CCNF: variants seen among roughly 807,000 people sequenced by gnomAD.
CCNF encodes the protein cyclin-F.
In CCNF, 30 loss-of-function variants were observed where a neutral mutation model predicts 85.4. The observed-to-expected ratio is 0.35, with a 90% CI of 0.26 to 0.48. CCNF has a LOEUF of 0.48. CCNF is among the 20% of genes least tolerant of loss of function. The pLI is 0.99. For missense variants in CCNF, 919 were observed against 1,010.4 expected (o/e 0.91, Z 1.23); for synonymous variants, 439 against 425.1 (o/e 1.03, Z -0.40).
intron 3 of CCNF, among the ~76,000 whole-genome samples, 176 bp from the exon 4 acceptor site, chr16:2,435,626 CACAT>C (rs1312394593): frequency 9.1e-5 from 1 of 10,992 alleles, no homozygotes; most frequent in Non-Finnish European, 1.4e-4. Flanking sequence ...CACACACACA[CACAT>C]ATATATGCAC....
intron 8 of CCNF, 36 bp from the exon 9 acceptor site, chr16:2,443,613 G>A (rs1305852343): frequency 6.3e-7 from 1 of 1,598,708 alleles, no homozygotes; most frequent in African/African-American, 1.3e-5. Context: ...CAACATGGCT[G>A]CTGTCTCACG....
chr16:2,446,347 A>G (rs757219651), intron 10 of CCNF, among the ~76,000 whole-genome samples: 2 of 151,788 alleles, frequency 1.3e-5, no homozygotes, highest in African/African-American at 4.8e-5. Flanking sequence ...AGTTTCCTAC[A>G]CTCTTGGAGT....
intron 3 of CCNF, among the ~76,000 whole-genome samples, chr16:2,433,666 A>C (rs1290857008): frequency 1.3e-5 from 2 of 152,146 alleles, no homozygotes; most frequent in Non-Finnish European, 2.9e-5. Context: ...AGCTCACTGC[A>C]ACCACCAACT....
At position 2,437,290 on chromosome 16, in the gene CCNF, G is replaced by A. The variant is rs1420811384; in HGVS notation, c.508G>A (p.Glu170Lys). The change falls in exon 5 of 17, where the codon GAG becomes AAG. Residue 170 changes from glutamate to lysine, a missense_variant. By Grantham distance (56) the Glu-to-Lys change is moderately conservative. Transcript: ENST00000397066. ...SGSCCKAVVHESLRAECQLQR... is the reference protein window; with the variant it reads ...SGSCCKAVVHKSLRAECQLQR... ...AAGCTGCTGCAAGGCCGTGGTTCAC[G>A]AGAGCCTCAGGGCAGAGTGCCAGCT... 7 of 1,605,182 alleles carry A rather than the reference G, an allele frequency of 4.4e-6. No homozygotes were observed. Among genetic ancestry groups the A allele is most frequent in the South Asian group, 1.1e-5 (1 of 90,650 alleles).
At chr16:2,437,470 C>G (rs376090217) in intron 5 of CCNF, 148 bp downstream of exon 5, 339 of 609,110 alleles carry the variant, frequency 5.6e-4, no homozygotes, top group African/African-American at 5.5e-3. Flanking sequence ...ATATGGGGAA[C>G]GCATCTGGAA....
rs1402175236 is a variant in CCNF at position 2,445,705 on chromosome 16, A to G, written c.1094+83A>G. ...GTCACCTGCCCTTCATGTGCTCCTCACTGGTTTGGTTTTGTTTTGTGTTGT... is the reference window on the plus strand; with the variant it reads ...GTCACCTGCCCTTCATGTGCTCCTCGCTGGTTTGGTTTTGTTTTGTGTTGT... On this transcript the variant is annotated intron_variant, in intron 10 of 16. Coordinates refer to ENST00000397066, the MANE Select transcript of CCNF (RefSeq NM_001761.3). 5.8e-5 allele frequency: 70 copies of G among 1,200,052 alleles called. No individual in the cohort carries two copies. The South Asian group carries it at 8.6e-4, about 15-fold the overall frequency. The allele number at this position is 1,200,052 out of a possible 1,614,324, so 74.3% of individuals were successfully genotyped here. A position where few individuals can be genotyped will look rare whatever the true frequency, so the allele number is the denominator to read the frequency against.
intron 3 of CCNF, 85 bp downstream of exon 3, chr16:2,433,152 C>A: frequency 2.5e-6 from 2 of 809,164 alleles, no homozygotes; most frequent in Non-Finnish European, 4.1e-6. Flanking sequence ...CCTGATTCAG[C>A]AACGATTTTC....
intron 8 of CCNF, among the ~76,000 whole-genome samples, chr16:2,441,823 A>T (rs1385072045): frequency 6.7e-6 from 1 of 148,778 alleles, no homozygotes; most frequent in African/African-American, 2.5e-5. Flanking sequence ...GGCCAAAAAA[A>T]ATTAATAATA....
Position 2,433,297 on chromosome 16 carries a change from G to A in CCNF, c.278+230G>A, listed in dbSNP as rs142841189. Among the ~76,000 whole-genome samples, 967 of 152,244 alleles carry A rather than the reference G, an allele frequency of 6.4e-3. 8 individuals carry two copies. Among genetic ancestry groups the A allele is most frequent in the Non-Finnish European group, 9.2e-3 (628 of 68,010 alleles). On this transcript the variant is annotated intron_variant, in intron 3 of 16. Transcript: ENST00000397066. ...CAGTCATCCCTCACGCCACTGACAC[G>A]GGCCCGTGGTGCCTCCAGAGGGCTG...
At position 2,453,497 on chromosome 16, in the gene CCNF, C is replaced by T. The variant is rs767962309; in HGVS notation, c.1675C>T (p.His559Tyr). 7.4e-6 allele frequency: 12 copies of T among 1,613,932 alleles called. No individual in the cohort carries two copies. In the African/African-American group the frequency reaches 1.2e-4, roughly 16 times the overall value. The change falls in exon 15 of 17, where the codon CAC becomes TAC. Residue 559 changes from histidine to tyrosine, a missense_variant. Transcript: ENST00000397066. This position sits in a 1 kb window ranked among gnomAD's most constrained non-coding sequence, Gnocchi z 5.6. ...PPTFLSTGEI[H>Y]AFLSSPSGRR... ...GACTTTCCTCAGCACAGGGGAGATC[C>T]ACGCCTTCCTCAGCTCTCCCTCGGG... is the stretch of plus-strand genomic sequence containing the variant.
chr16:2,449,511 C>A, intron 12 of CCNF, 49 bp downstream of exon 12: 1 of 1,553,072 alleles, frequency 6.4e-7, no homozygotes. Flanking sequence ...AAGGTGCTGA[C>A]ATAGGAGGAG....
At position 2,439,374 on chromosome 16, in the gene CCNF, G is replaced by T; in HGVS notation, c.616G>T (p.Ala206Ser). 3.1e-6 allele frequency: 5 copies of T among 1,608,268 alleles called. No homozygotes were observed. Among genetic ancestry groups the T allele is most frequent in the Non-Finnish European group, 4.2e-6 (5 of 1,177,580 alleles). Residue 206 changes from alanine to serine, a missense_variant, in exon 7 of 17, where the codon GCC becomes TCC. Around this residue, in one of 3 missense-constraint regions of CCNF, gnomAD observed 410 missense variants for 478.6 expected, o/e 0.86. Coordinates refer to ENST00000397066, the MANE Select transcript of CCNF (RefSeq NM_001761.3). ...CTAGGATGAGGAGAAGCAGCAGCAG[G>T]CCCATGACCTGTTTGAGGAGGCTGC... ...LFEDEEKQQQ[A>S]HDLFEEAAHQ...
rs1057184485 is a variant in CCNF at position 2,451,037 on chromosome 16, C to T, written c.1487+1122C>T. Among the ~76,000 whole-genome samples, 1 of 152,248 alleles carries T rather than the reference C, an allele frequency of 6.6e-6. No individual in the cohort carries two copies. The highest frequency in any genetic ancestry group is 2.4e-5 in the African/African-American group (1 of 41,464). On this transcript the variant is annotated intron_variant, in intron 13 of 16. Transcript: ENST00000397066. The surrounding 1 kb of genome is among the most constrained non-coding windows in gnomAD (Gnocchi z 4.3). ...CCTGCCCCGGCCCCTCCGCCCTTCT[C>T]TCTGGTGAGCCTGGCCCGGCCCTCG...
In CCNF at chr16:2,452,157, G is replaced by A. The variant is rs924398715; in HGVS notation, c.1488-1053G>A. 3.3e-5 allele frequency among the ~76,000 whole-genome samples: 5 copies of A among 152,342 alleles called. No homozygotes were observed. Among genetic ancestry groups the A allele is most frequent in the South Asian group, 4.1e-4 (2 of 4,824 alleles). On this transcript the variant is annotated intron_variant, in intron 13 of 16. Coordinates refer to ENST00000397066, the MANE Select transcript of CCNF (RefSeq NM_001761.3). The surrounding 1 kb of genome is among the most constrained non-coding windows in gnomAD (Gnocchi z 4.1). ...GTGGCAGCCGCCCCGCACATGTCCC[G>A]TGTACGTCACCCAGGGCCTCGCTGT...
intron 2 of CCNF, 40 bp from the exon 3 acceptor site, chr16:2,432,921 G>A (rs766126161): frequency 3.1e-6 from 4 of 1,290,726 alleles, no homozygotes; most frequent in South Asian, 1.2e-5. Flanking sequence ...CTTTTGGGTG[G>A]TGCCTCCATC....
Position 2,451,705 on chromosome 16 carries a change from G to C in CCNF, c.1488-1505G>C, listed in dbSNP as rs1244880324. Reference sequence around the variant, plus strand: ...AGCAGAAACCACAGGCACCAGCACAGCAGGCCTGGGTGCTTTTCTCCAGCC... The same window carrying C: ...AGCAGAAACCACAGGCACCAGCACACCAGGCCTGGGTGCTTTTCTCCAGCC... On this transcript the variant is annotated intron_variant, in intron 13 of 16. Coordinates refer to ENST00000397066, the MANE Select transcript of CCNF (RefSeq NM_001761.3). The surrounding 1 kb of genome is among the most constrained non-coding windows in gnomAD (Gnocchi z 4.3). 3.3e-5 allele frequency among the ~76,000 whole-genome samples: 5 copies of C among 152,260 alleles called. No individual in the cohort carries two copies. In the South Asian group the frequency reaches 8.3e-4, roughly 25 times the overall value.
In CCNF at chr16:2,451,481, C is replaced by A. The variant is rs2065394904; in HGVS notation, c.1487+1566C>A. Among the ~76,000 whole-genome samples, 1 of 152,168 alleles carries A rather than the reference C, an allele frequency of 6.6e-6. No homozygotes were observed. The highest frequency in any genetic ancestry group is 1.5e-5 in the Non-Finnish European group (1 of 68,032). The stretch of plus-strand genomic sequence containing the variant: ...ACTTGCTCCTCCCACCTCTCGGCAC[C>A]CCCACTCCCTGGTCTCCCACTTCCC... On this transcript the variant is annotated intron_variant, in intron 13 of 16. Transcript: ENST00000397066. The surrounding 1 kb of genome is among the most constrained non-coding windows in gnomAD (Gnocchi z 4.3).
At chr16:2,441,970 TATATATATA>T (rs1567385705) in intron 8 of CCNF, among the ~76,000 whole-genome samples, 6 of 134,590 alleles carry the variant, frequency 4.5e-5, no homozygotes, top group African/African-American at 1.4e-4. Context: ...TATATATATA[TATATATATA>T]TATGTTTTTG....
At chr16:2,432,578 C>T (rs1472233963) in intron 2 of CCNF, among the ~76,000 whole-genome samples, 1 of 152,190 alleles carries the variant, frequency 6.6e-6, no homozygotes, top group African/African-American at 2.4e-5. Context: ...CCTGTTTCCA[C>T]ACTCCCACTA....
Sources: gnomAD v4.1 joint callset for allele counts (sites outside exome capture counted in the v4.1 genomes callset) on GRCh38, gnomAD v4.1.1 for gene constraint, gnomAD v4.1.1 regional missense constraint, Gnocchi (gnomAD v3.1) non-coding constraint, MANE v1.5 for transcripts, NCBI Gene and HGNC (gene_info 2026-07-23, HGNC 2026-07-21) for gene names.